STON2: variants seen among roughly 807,000 people sequenced by gnomAD.
The protein encoded by STON2 is stonin-2.
A neutral mutation model predicts 65.7 loss-of-function variants in STON2; 29 were observed. That is an observed-to-expected ratio of 0.44 (90% CI 0.33 to 0.60). STON2 has a LOEUF of 0.60. Among genes scored for constraint, STON2 ranks in the 20% least tolerant of loss-of-function variants. The pLI is 0.03. For missense variants in STON2, 1,054 were observed against 1,118.1 expected (o/e 0.94, Z 0.82); for synonymous variants, 404 against 414.2 (o/e 0.98, Z 0.30).
chr14:81,359,363 C>T (rs1898389726), intron 4 of STON2, among the ~76,000 whole-genome samples: 1 of 152,118 alleles, frequency 6.6e-6, no homozygotes, highest in Non-Finnish European at 1.5e-5. Flanking sequence ...TGTACCACAA[C>T]TTATGGAATG....
intron 4 of STON2, among the ~76,000 whole-genome samples, chr14:81,339,999 A>G (rs1897533572): frequency 6.6e-6 from 1 of 151,836 alleles, no homozygotes; most frequent in South Asian, 2.1e-4. Context: ...CTAAAAATAC[A>G]AAAAATTAGC....
At chr14:81,376,832 G>T (rs2140382254) in intron 3 of STON2, among the ~76,000 whole-genome samples, 1 of 152,210 alleles carries the variant, frequency 6.6e-6, no homozygotes, top group South Asian at 2.1e-4. Context: ...ATACAAGGTT[G>T]GTTTAACACA....
chr14:81,277,315 G>T lies in STON2; in HGVS notation c.2167C>A (p.Pro723Thr), dbSNP rs767964985. The change falls in exon 6 of 8, where the codon CCT (proline) becomes ACT (threonine). Residue 723 changes from proline to threonine, a missense_variant. Physicochemically the swap from Pro to Thr is conservative, Grantham distance 38 (BLOSUM62 -1). Transcript: ENST00000614646. ...FHNSRVILFN[P>T]LDACRFELMR... The stretch of plus-strand genomic sequence containing the variant: ...AGCTCAAACCGGCACGCATCCAAAG[G>T]GTTGAACAGAATGACCCGTGAGTTG... The T allele has an allele frequency of 3.1e-6, 5 of 1,614,160 alleles. No homozygotes were observed. In the South Asian group the frequency reaches 5.5e-5, roughly 18 times the overall value.
chr14:81,379,988 G>A (rs1899437110), intron 3 of STON2, among the ~76,000 whole-genome samples: 1 of 152,126 alleles, frequency 6.6e-6, no homozygotes, highest in African/African-American at 2.4e-5. Context: ...AACAAAAATT[G>A]AGAAGTGGGA....
intron 5 of STON2, among the ~76,000 whole-genome samples, chr14:81,302,846 T>C (rs1447968138): frequency 6.6e-6 from 1 of 152,236 alleles, no homozygotes; most frequent in Non-Finnish European, 1.5e-5. Context: ...TTGTGAGAAT[T>C]ACAGATGATG....
chr14:81,271,573 G>GGA (rs1395552230), intron 6 of STON2, among the ~76,000 whole-genome samples: 2 of 148,892 alleles, frequency 1.3e-5, no homozygotes, highest in Non-Finnish European at 2.9e-5. Flanking sequence ...GGATAAAGAG[G>GGA]GAGAAGTACA....
intron 2 of STON2, among the ~76,000 whole-genome samples, chr14:81,397,592 G>T (rs1319742268): frequency 1.3e-5 from 2 of 152,180 alleles, no homozygotes; most frequent in Non-Finnish European, 2.9e-5. Context: ...ATAAATGACG[G>T]TGGGATGACT....
In STON2 at chr14:81,398,597, C is replaced by G. The variant is rs144361902; in HGVS notation, c.-198-17G>C. 2.1e-6 allele frequency: 1 copy of G among 474,678 alleles called. No homozygotes were observed. Among genetic ancestry groups the G allele is most frequent in the East Asian group, 3.3e-5 (1 of 30,164 alleles). The allele number at this position is 474,678 out of a possible 1,614,324, so 29.4% of individuals were successfully genotyped here. Reference sequence around the variant, plus strand: ...GGCAGAAATCTGTTTAACAAACAAACAAACAAAAAATTAAAAAGGATAACC... The same window carrying G: ...GGCAGAAATCTGTTTAACAAACAAAGAAACAAAAAATTAAAAAGGATAACC... On this transcript the variant is annotated splice_polypyrimidine_tract_variant and intron_variant, in intron 1 of 7. Coordinates refer to ENST00000614646, the MANE Select transcript of STON2 (RefSeq NM_001394390.1).
intron 4 of STON2, among the ~76,000 whole-genome samples, chr14:81,328,743 G>A (rs544220544): frequency 6.6e-5 from 10 of 152,206 alleles, no homozygotes; most frequent in African/African-American, 2.4e-4. Context: ...GGAGGCAAGG[G>A]GGCAAGTGAG....
At chr14:81,398,163 G>T (rs1900417384) in intron 2 of STON2, 132 bp downstream of exon 2, 1 of 623,136 alleles carries the variant, frequency 1.6e-6, no homozygotes. Context: ...AAGATCTCAA[G>T]AAAGAAAGTG....
At chr14:81,386,029 T>C (rs1233174331) in intron 3 of STON2, among the ~76,000 whole-genome samples, 1 of 151,988 alleles carries the variant, frequency 6.6e-6, no homozygotes, top group Non-Finnish European at 1.5e-5. Flanking sequence ...AGGGCAGCAG[T>C]GAACTGGCCT....
chr14:81,408,051 TCTCTTCCCTTTC>T (rs34662254), intron 2 of STON2, among the ~76,000 whole-genome samples: 31,149 of 151,718 alleles, frequency 0.21, 4,323 homozygotes, highest in East Asian at 0.44. Context: ...GAATACTGCT[TCTCTTCCCTTTC>T]CTCTTCCACA....
At chr14:81,270,927 G>A (rs1347940916) in intron 6 of STON2, 55 bp from the exon 7 acceptor site, 18 of 1,574,320 alleles carry the variant, frequency 1.1e-5, no homozygotes, top group East Asian at 9.0e-5. Flanking sequence ...AGTGGAAGGA[G>A]CAGCCAAAGG....
At chr14:81,367,254 C>T (rs983525576) in intron 4 of STON2, among the ~76,000 whole-genome samples, 2 of 152,138 alleles carry the variant, frequency 1.3e-5, no homozygotes, top group African/African-American at 4.8e-5. Context: ...TCTTGGCTCA[C>T]TGCAGCCTCC....
At chr14:81,268,659 T>C in intron 7 of STON2, 162 bp from the exon 8 acceptor site, 10 of 983,878 alleles carry the variant, frequency 1.0e-5, no homozygotes, top group Non-Finnish European at 1.2e-5. Flanking sequence ...GTATATCATG[T>C]CTCTCTCTTT....
At chr14:81,360,732 G>C (rs1367679717) in intron 4 of STON2, among the ~76,000 whole-genome samples, 3 of 152,076 alleles carry the variant, frequency 2.0e-5, no homozygotes, top group African/African-American at 7.2e-5. Context: ...AAATGAAATT[G>C]CCACTGTTTG....
chr14:81,319,204 T>C (rs1896736267), intron 5 of STON2, among the ~76,000 whole-genome samples: 1 of 152,248 alleles, frequency 6.6e-6, no homozygotes, highest in South Asian at 2.1e-4. Flanking sequence ...TAAAGCAGCA[T>C]TATTGTAAGC....
At chr14:81,285,418 G>T (rs550692475) in intron 5 of STON2, among the ~76,000 whole-genome samples, 47 of 152,326 alleles carry the variant, frequency 3.1e-4, no homozygotes, top group Middle Eastern at 6.8e-3. Flanking sequence ...AACAGTGAGA[G>T]AACAAGAAGT....
intron 5 of STON2, among the ~76,000 whole-genome samples, chr14:81,323,299 C>T (rs1163621437): frequency 3.3e-5 from 5 of 152,164 alleles, no homozygotes; most frequent in Non-Finnish European, 7.4e-5. Context: ...GGCACCAGCT[C>T]CCTGCACAAA....
Sources: allele counts gnomAD v4.1 joint callset (sites outside exome capture counted in the v4.1 genomes callset), GRCh38; gene constraint gnomAD v4.1.1; transcripts MANE v1.5; gene names NCBI Gene and HGNC (gene_info 2026-07-23, HGNC 2026-07-21).